Variants in ABCB10 observed in about 807,000 individuals in gnomAD.
The protein encoded by ABCB10 is ATP-binding cassette sub-family B member 10, mitochondrial.
Under a neutral mutation model 65.4 loss-of-function variants are expected in ABCB10, and 54 were observed. That is an observed-to-expected ratio of 0.83 (90% CI 0.66 to 1.04). ABCB10 has a LOEUF of 1.04. Ranked by LOEUF, ABCB10 falls within the 50% of genes least tolerant of loss-of-function variation. The probability of loss-of-function intolerance (pLI) is 0.00; values close to 1 mark genes in which losing one functional copy is unlikely to be tolerated. For synonymous variants in ABCB10, 418 were observed against 406.5 expected (o/e 1.03, Z -0.34); for missense variants, 846 against 976.6 (o/e 0.87, Z 1.78).
chr1:229,546,372 G>A (rs1385860372), intron 3 of ABCB10, among the ~76,000 whole-genome samples: 8 of 152,044 alleles, frequency 5.3e-5, no homozygotes, highest in Non-Finnish European at 8.8e-5. Context: ...TCAACAGTAG[G>A]CTATTAGTAG....
intron 6 of ABCB10, chr1:229,531,999 C>A (rs957005484): frequency 6.0e-5 from 15 of 250,742 alleles, no homozygotes; most frequent in Non-Finnish European, 1.0e-4. Context: ...GTCACCCAGG[C>A]TGGAGTGCAC....
intron 3 of ABCB10, among the ~76,000 whole-genome samples, chr1:229,543,261 T>C (rs1440334194): frequency 6.6e-6 from 1 of 152,126 alleles, no homozygotes; most frequent in South Asian, 2.1e-4. Context: ...AGGATGGATC[T>C]GGGCTCAATA....
intron 6 of ABCB10, among the ~76,000 whole-genome samples, chr1:229,536,477 T>C (rs999403979): frequency 1.3e-5 from 2 of 151,002 alleles, no homozygotes; most frequent in Admixed American, 6.6e-5. Flanking sequence ...ACTGCACTCC[T>C]GCCTGGAGAC....
intron 6 of ABCB10, chr1:229,535,061 A>C (rs986016370): frequency 6.7e-6 from 1 of 149,760 alleles, no homozygotes; most frequent in Non-Finnish European, 1.5e-5. Context: ...AAAAAAAAAA[A>C]AAAAAAACCT....
chr1:229,549,826 G>T, intron 1 of ABCB10: 1 of 201,118 alleles, frequency 5.0e-6, no homozygotes, highest in South Asian at 9.1e-5. Flanking sequence ...ATACTCCTTG[G>T]CATCTAACTA....
chr1:229,518,482 A>G (rs999114812), intron 12 of ABCB10, 72 bp from the exon 13 acceptor site: 1 of 1,261,762 alleles, frequency 7.9e-7, no homozygotes, highest in Middle Eastern at 1.9e-4. Context: ...TACACACAGC[A>G]GCCCTTCCTG....
chr1:229,525,809 G>A, intron 10 of ABCB10, 127 bp downstream of exon 10: 1 of 1,180,340 alleles, frequency 8.5e-7, no homozygotes, highest in Non-Finnish European at 1.2e-6. Flanking sequence ...CTGCACTCCA[G>A]CCTGGGTGAC....
chr1:229,534,905 T>G (rs992689294), intron 6 of ABCB10, among the ~76,000 whole-genome samples: 1 of 135,458 alleles, frequency 7.4e-6, no homozygotes, highest in African/African-American at 2.8e-5. Flanking sequence ...CCAAGCATGG[T>G]GGCGGATGCC....
At chr1:229,533,265 A>G (rs907488392) in intron 6 of ABCB10, among the ~76,000 whole-genome samples, 2 of 152,092 alleles carry the variant, frequency 1.3e-5, no homozygotes, top group Admixed American at 6.6e-5. Flanking sequence ...CTGGGATTAC[A>G]GGTGCCCCCC....
At chr1:229,534,909 G>A (rs1216403986) in intron 6 of ABCB10, among the ~76,000 whole-genome samples, 4 of 145,834 alleles carry the variant, frequency 2.7e-5, no homozygotes, top group Non-Finnish European at 6.0e-5. Flanking sequence ...GCATGGTGGC[G>A]GATGCCTGTA....
chr1:229,545,605 T>G (rs192926603), intron 3 of ABCB10, among the ~76,000 whole-genome samples: 33 of 152,346 alleles, frequency 2.2e-4, no homozygotes, highest in Non-Finnish European at 4.0e-4. Context: ...AAAACTTGAG[T>G]ATGTCAAACT....
chr1:229,544,496 A>T (rs1662923992), intron 3 of ABCB10, among the ~76,000 whole-genome samples: 1 of 151,360 alleles, frequency 6.6e-6, no homozygotes, highest in African/African-American at 2.4e-5. Context: ...AAATTAATAA[A>T]TTGGCAGTAT....
intron 8 of ABCB10, 50 bp from the exon 9 acceptor site, chr1:229,527,358 A>T: frequency 6.6e-7 from 1 of 1,521,336 alleles, no homozygotes; most frequent in Non-Finnish European, 9.1e-7. Context: ...GATGAGGCTG[A>T]TGACCAACAC....
At position 229,549,312 on chromosome 1, in the gene ABCB10, G is replaced by C; in HGVS notation, c.640C>G (p.Leu214Val). The C allele has an allele frequency of 2.5e-6, 4 of 1,614,102 alleles. No homozygotes were observed. The highest frequency in any genetic ancestry group is 3.4e-6 in the Non-Finnish European group (4 of 1,179,988). The change falls in exon 2 of 13, where the codon CTC becomes GTC. Residue 214 changes from leucine (L) to valine (V), a missense_variant. Around this residue, in one of 2 missense-constraint regions of ABCB10, gnomAD observed 632 missense variants for 803.2 expected, o/e 0.79. Transcript: ENST00000344517. ...AACACGGCACTGAGCCCTAGGCAGA[G>C]GCGGGTCAGGTTGTCGCTGTAGTCC... ...TVDYSDNLTR[L>V]CLGLSAVFLC...
intron 11 of ABCB10, among the ~76,000 whole-genome samples, chr1:229,519,506 G>A (rs1377309128): frequency 6.6e-6 from 1 of 152,188 alleles, no homozygotes; most frequent in Admixed American, 6.5e-5. Context: ...TGAGTAAGAT[G>A]GCCGGACGTG....
chr1:229,536,725 G>A (rs1662729083), intron 6 of ABCB10, among the ~76,000 whole-genome samples: 1 of 152,172 alleles, frequency 6.6e-6, no homozygotes, highest in Admixed American at 6.5e-5. Context: ...GGAAGCAGAG[G>A]CAGGCAGATT....
Position 229,542,308 on chromosome 1 carries a change from C to T in ABCB10, c.985G>A (p.Ala329Thr), listed in dbSNP as rs753924933. ...CGTAGATATCGCCCATAAATTACAG[C>T]AATGATTGACACTGGAGGCACCACG... is the stretch of plus-strand genomic sequence containing the variant. ...LSVVPPVSIIAVIYGRYLRKL... is the reference protein window; with the variant it reads ...LSVVPPVSIITVIYGRYLRKL... Residue 329 changes from alanine (A) to threonine (T), a missense_variant, in exon 4 of 13, where the codon GCT (alanine) becomes ACT (threonine). Coordinates refer to ENST00000344517, the MANE Select transcript of ABCB10 (RefSeq NM_012089.3). 8.7e-6 allele frequency: 14 copies of T among 1,613,992 alleles called. No homozygotes were observed. Among genetic ancestry groups the T allele is most frequent in the Non-Finnish European group, 1.2e-5 (14 of 1,179,994 alleles).
At chr1:229,527,653 A>C (rs544685797) in intron 8 of ABCB10, among the ~76,000 whole-genome samples, 1 of 152,306 alleles carries the variant, frequency 6.6e-6, no homozygotes, top group South Asian at 2.1e-4. Context: ...CAAAGCTTTA[A>C]TTCAGAAGGG....
chr1:229,523,184 G>A (rs966687669), intron 10 of ABCB10, among the ~76,000 whole-genome samples: 2 of 152,192 alleles, frequency 1.3e-5, no homozygotes, highest in Non-Finnish European at 2.9e-5. Context: ...AGGTGTGGGA[G>A]AAGGTGGGAT....
Sources: allele counts gnomAD v4.1 joint callset (sites outside exome capture counted in the v4.1 genomes callset), GRCh38; gene constraint gnomAD v4.1.1; regional missense constraint gnomAD v4.1.1; transcripts MANE v1.5; gene names NCBI Gene and HGNC (gene_info 2026-07-23, HGNC 2026-07-21).